The following MZT2A variants were observed in gnomAD, a reference collection of about 807,000 sequenced individuals.
The protein encoded by MZT2A is mitotic-spindle organizing protein 2A.
MZT2A carries 8 observed loss-of-function variants against 12.4 expected under a neutral mutation model. That is an observed-to-expected ratio of 0.64 (90% CI 0.38 to 1.16). The LOEUF is 1.16. Among genes scored for constraint, MZT2A ranks in the 50% most tolerant of loss-of-function variants. The probability of loss-of-function intolerance (pLI) is 0.01; values close to 1 mark genes in which losing one functional copy is unlikely to be tolerated. For synonymous variants in MZT2A, 88 were observed against 107.5 expected, an observed-to-expected ratio of 0.82 and a Z score of 1.12; for missense variants, 181 against 223.6, an observed-to-expected ratio of 0.81 and a Z score of 1.22.
rs1678632454 is a variant in MZT2A, at chr2:131,475,590, C to T, written c.279-3408G>A. Among the ~76,000 whole-genome samples, 3 of 152,118 alleles carry T rather than the reference C, an allele frequency of 2.0e-5. No individual in the cohort carries two copies. In the South Asian group the frequency reaches 6.2e-4, roughly 32 times the overall value. On this transcript the variant is annotated intron_variant and NMD_transcript_variant, in intron 2 of 4. Transcript: ENST00000427024. ...AGGTGATCCACCCGCCTCGGCCTCC[C>T]AAAGTGCTGGGATTGCGGGCGTTAG...
At chr2:131,478,449 C>T (rs879105735) in intron 2 of MZT2A, 6 of 1,434,602 alleles carry the variant, frequency 4.2e-6, no homozygotes, top group Admixed American at 4.4e-5. Context: ...GGTAAAGCCC[C>T]GTGTGGGCTC....
upstream of MZT2A, chr2:131,492,982 G>T: frequency 6.6e-7 from 1 of 1,521,912 alleles, no homozygotes; most frequent in South Asian, 1.2e-5. Flanking sequence ...TCTTCGCTTT[G>T]CGCACGTACC....
chr2:131,485,639 T>A (rs2314125), intron 2 of MZT2A, among the ~76,000 whole-genome samples: 1 of 151,926 alleles, frequency 6.6e-6, no homozygotes, highest in Non-Finnish European at 1.5e-5. Flanking sequence ...CAGTCCCGTG[T>A]GGGAACTCCC....
chr2:131,476,296 A>AG, intron 2 of MZT2A: 1 of 1,596,680 alleles, frequency 6.3e-7, no homozygotes, highest in Non-Finnish European at 8.6e-7. Context: ...CTGGGCGCTG[A>AG]GAGGAGGCCA....
At chr2:131,478,503 C>G in intron 2 of MZT2A, 2 of 1,362,066 alleles carry the variant, frequency 1.5e-6, no homozygotes, top group Non-Finnish European at 2.0e-6. Flanking sequence ...CAGGCATATG[C>G]CCATGGCATT....
downstream of MZT2A, chr2:131,480,066 C>T: frequency 1.3e-6 from 2 of 1,576,094 alleles, no homozygotes; most frequent in Non-Finnish European, 1.7e-6. Context: ...TGGTTTCTCT[C>T]AGGCGGATCT....
chr2:131,476,868 G>C (rs1429220552), intron 2 of MZT2A, among the ~76,000 whole-genome samples: 2 of 149,428 alleles, frequency 1.3e-5, no homozygotes, highest in Non-Finnish European at 3.0e-5. Context: ...CTGGAACTTT[G>C]AGGCTGCAGT....
At chr2:131,476,109 C>A (rs1678655572) in intron 2 of MZT2A, 1 of 1,600,458 alleles carries the variant, frequency 6.2e-7, no homozygotes, top group Admixed American at 1.7e-5. Flanking sequence ...GTGCGGCGCG[C>A]ACAGGCAGGA....
intron 2 of MZT2A, among the ~76,000 whole-genome samples, chr2:131,485,453 C>T (rs868802990): frequency 6.6e-5 from 10 of 152,178 alleles, no homozygotes; most frequent in Admixed American, 1.3e-4. Flanking sequence ...CCACACCCCA[C>T]CCCCTCAGTG....
At chr2:131,481,435 A>ATT (rs70994779), downstream of MZT2A, among the ~76,000 whole-genome samples, 213 of 129,242 alleles carry the variant, frequency 1.6e-3, 6 homozygotes, top group African/African-American at 5.6e-3. Context: ...TGCCCGGGTA[A>ATT]TTTTTTTTTT....
chr2:131,471,201 G>T (rs1704975686), intron 3 of MZT2A, among the ~76,000 whole-genome samples: 1 of 140,126 alleles, frequency 7.1e-6, no homozygotes, highest in South Asian at 2.1e-4. Flanking sequence ...CTGTGACTGT[G>T]TCAAGCAATG....
chr2:131,491,772 G>A, intron 2 of MZT2A, 104 bp downstream of exon 2: 1 of 1,431,102 alleles, frequency 7.0e-7, no homozygotes, highest in East Asian at 2.5e-5. Flanking sequence ...CCGACCGACA[G>A]ACAGGCCTGG....
At chr2:131,490,639 C>G (rs1679253911) in intron 2 of MZT2A, 11 of 1,548,986 alleles carry the variant, frequency 7.1e-6, no homozygotes, top group Non-Finnish European at 9.6e-6. Flanking sequence ...GCTGCTTGGG[C>G]CTCTTGGGGC....
At chr2:131,472,274 T>G (rs775847627) in intron 2 of MZT2A, 11 of 1,113,970 alleles carry the variant, frequency 9.9e-6, no homozygotes, top group African/African-American at 1.6e-5. Flanking sequence ...ATTGAAATGA[T>G]TTAATAATTC....
upstream of MZT2A, chr2:131,492,808 A>C (rs529670628): frequency 1.3e-5 from 18 of 1,421,950 alleles, 1 homozygote; most frequent in South Asian, 2.1e-4. Context: ...ACTAATCAAC[A>C]ACCCTGCTTA....
intron 3 of MZT2A, among the ~76,000 whole-genome samples, chr2:131,471,129 G>C (rs561065451): frequency 7.2e-6 from 1 of 138,066 alleles, no homozygotes; most frequent in Admixed American, 6.7e-5. Context: ...CAAGCTGGCA[G>C]GGCGGCTCCC....
chr2:131,485,065 C>G (rs193280564), intron 2 of MZT2A, among the ~76,000 whole-genome samples: 553 of 152,284 alleles, frequency 3.6e-3, no homozygotes, highest in Non-Finnish European at 4.7e-3. Flanking sequence ...ACAAACGTGC[C>G]CGGGTAGCAG....
downstream of MZT2A, chr2:131,480,324 G>A (rs768432260): frequency 6.2e-7 from 1 of 1,612,732 alleles, no homozygotes. Context: ...AGCCATCTAT[G>A]ACATATGTCG....
upstream of MZT2A, among the ~76,000 whole-genome samples, chr2:131,493,513 C>T (rs557265573): frequency 9.6e-4 from 146 of 152,176 alleles, no homozygotes; most frequent in Non-Finnish European, 1.4e-3. Context: ...TTCCCCTGTG[C>T]GCTCCACATC....
Sources: gnomAD v4.1 joint callset for allele counts (sites outside exome capture counted in the v4.1 genomes callset) on GRCh38, gnomAD v4.1.1 for gene constraint, MANE v1.5 for transcripts, NCBI Gene and HGNC (gene_info 2026-07-23, HGNC 2026-07-21) for gene names.